Variants in VSNL1 observed in about 807,000 individuals in gnomAD.
The protein encoded by VSNL1 is visinin-like protein 1.
VSNL1 carries 6 observed loss-of-function variants against 20.4 expected under a neutral mutation model. The ratio of observed to expected loss-of-function variants is 0.29; its 90% confidence interval spans 0.16 to 0.58. The LOEUF (loss-of-function observed/expected upper bound fraction) is 0.58, where lower values mean the gene tolerates loss of function less well. VSNL1 is among the 20% of genes least tolerant of loss of function. The probability of loss-of-function intolerance (pLI) is 0.90; values close to 1 mark genes in which losing one functional copy is unlikely to be tolerated. For missense variants in VSNL1, 100 were observed against 234.5 expected, an observed-to-expected ratio of 0.43 and a Z score of 3.75; for synonymous variants, 93 against 86.4, an observed-to-expected ratio of 1.08 and a Z score of -0.42.
chr2:17,602,391 T>A (rs1273469551), intron 2 of VSNL1, among the ~76,000 whole-genome samples: 1 of 152,192 alleles, frequency 6.6e-6, no homozygotes, highest in Non-Finnish European at 1.5e-5. Context: ...AGTCCTATTA[T>A]AACTGGGGGA....
intron 2 of VSNL1, among the ~76,000 whole-genome samples, chr2:17,631,936 G>A (rs1052802829): frequency 6.6e-6 from 1 of 152,234 alleles, no homozygotes; most frequent in African/African-American, 2.4e-5. Flanking sequence ...ACTGAGGCTG[G>A]AGTGCAGTGG....
intron 2 of VSNL1, among the ~76,000 whole-genome samples, chr2:17,606,188 C>T (rs1664940396): frequency 1.3e-5 from 2 of 152,126 alleles, no homozygotes; most frequent in Admixed American, 6.5e-5. Flanking sequence ...TCCTCATCCC[C>T]ACTAATAAGA....
chr2:17,642,937 T>C (rs964841118), intron 2 of VSNL1, among the ~76,000 whole-genome samples: 8 of 151,786 alleles, frequency 5.3e-5, no homozygotes, highest in East Asian at 1.9e-4. Context: ...AAAATGGAAG[T>C]TGTCACCCAG....
At chr2:17,640,790 G>T (rs986218291) in intron 2 of VSNL1, among the ~76,000 whole-genome samples, 1 of 152,124 alleles carries the variant, frequency 6.6e-6, no homozygotes, top group Admixed American at 6.5e-5. Context: ...TCAAATCAGG[G>T]TAATTAGCAT....
intron 1 of VSNL1, among the ~76,000 whole-genome samples, chr2:17,559,763 A>G (rs1572331850): frequency 6.6e-6 from 1 of 152,290 alleles, no homozygotes; most frequent in East Asian, 1.9e-4. Flanking sequence ...ATACAGATTT[A>G]TCTTTGTATA....
At chr2:17,588,391 A>C (rs1384206906) in intron 1 of VSNL1, among the ~76,000 whole-genome samples, 1 of 152,222 alleles carries the variant, frequency 6.6e-6, no homozygotes, top group Non-Finnish European at 1.5e-5. Context: ...GTAACTAGGA[A>C]GGAAAGGATC....
At chr2:17,554,325 G>A (rs1304569346) in intron 1 of VSNL1, among the ~76,000 whole-genome samples, 2 of 152,168 alleles carry the variant, frequency 1.3e-5, no homozygotes, top group Admixed American at 1.3e-4. Context: ...ATCTTCTCTG[G>A]ATTGTGATTA....
intron 1 of VSNL1, among the ~76,000 whole-genome samples, chr2:17,590,330 G>A (rs1664570633): frequency 1.3e-5 from 2 of 152,156 alleles, no homozygotes; most frequent in Admixed American, 1.3e-4. Flanking sequence ...ATGAATTAGA[G>A]TTTTCTTACT....
At chr2:17,585,423 G>A (rs919011892) in intron 1 of VSNL1, among the ~76,000 whole-genome samples, 8 of 151,986 alleles carry the variant, frequency 5.3e-5, no homozygotes, top group Non-Finnish European at 1.2e-4. Context: ...CAATTTTAAG[G>A]CATGGTTTTC....
chr2:17,596,129 C>A (rs1049376268), intron 2 of VSNL1, among the ~76,000 whole-genome samples: 3 of 152,144 alleles, frequency 2.0e-5, no homozygotes, highest in Non-Finnish European at 4.4e-5. Flanking sequence ...GAATATAATT[C>A]TTATTCCTTC....
intron 1 of VSNL1, among the ~76,000 whole-genome samples, chr2:17,549,399 C>A (rs866186968): frequency 2.6e-5 from 4 of 152,172 alleles, no homozygotes; most frequent in South Asian, 2.1e-4. Context: ...TACATACATA[C>A]ACACATACAT....
intron 1 of VSNL1, chr2:17,541,387 G>A (rs650275): frequency 0.29 from 44,438 of 152,122 alleles, 8,307 homozygotes; most frequent in East Asian, 0.87. Context: ...GATTGGTATG[G>A]AAATCATGGT....
chr2:17,559,078 T>A (rs549166019), intron 1 of VSNL1, among the ~76,000 whole-genome samples: 4 of 152,124 alleles, frequency 2.6e-5, no homozygotes, highest in South Asian at 4.2e-4. Flanking sequence ...GGCTTGCACC[T>A]CATGATCTAG....
intron 2 of VSNL1, among the ~76,000 whole-genome samples, chr2:17,644,743 A>G (rs1558310807): frequency 6.6e-6 from 1 of 152,232 alleles, no homozygotes; most frequent in East Asian, 1.9e-4. Flanking sequence ...GCCTTGTTCC[A>G]CGAGACACAC....
intron 1 of VSNL1, among the ~76,000 whole-genome samples, chr2:17,579,210 G>A (rs536201394): frequency 6.6e-6 from 1 of 152,038 alleles, no homozygotes; most frequent in Non-Finnish European, 1.5e-5. Context: ...CCGCCTCCCG[G>A]GTTCATGCCA....
At chr2:17,583,296 G>A (rs1472454474) in intron 1 of VSNL1, among the ~76,000 whole-genome samples, 1 of 152,212 alleles carries the variant, frequency 6.6e-6, no homozygotes, top group Non-Finnish European at 1.5e-5. Context: ...GGACACTCCA[G>A]GTCTGCTCTT....
intron 2 of VSNL1, among the ~76,000 whole-genome samples, chr2:17,630,677 C>A (rs982486004): frequency 1.3e-5 from 2 of 152,132 alleles, no homozygotes; most frequent in Non-Finnish European, 2.9e-5. Context: ...AGATACTATG[C>A]CGTTAACAGA....
At chr2:17,558,463 T>C (rs1663739298) in intron 1 of VSNL1, among the ~76,000 whole-genome samples, 1 of 152,242 alleles carries the variant, frequency 6.6e-6, no homozygotes. Flanking sequence ...TAATATTGCA[T>C]GGAGCTAATT....
intron 1 of VSNL1, among the ~76,000 whole-genome samples, chr2:17,543,666 A>G (rs1227880439): frequency 6.6e-6 from 1 of 152,240 alleles, no homozygotes; most frequent in Non-Finnish European, 1.5e-5. Flanking sequence ...AGAGGAGAGT[A>G]GTGCAGCTTT....
Sources: gnomAD v4.1 joint callset for allele counts (sites outside exome capture counted in the v4.1 genomes callset) on GRCh38, gnomAD v4.1.1 for gene constraint, MANE v1.5 for transcripts, NCBI Gene and HGNC (gene_info 2026-07-23, HGNC 2026-07-21) for gene names.